The following FMNL2 variants were observed in gnomAD, a reference collection of about 807,000 sequenced individuals.
FMNL2 encodes the protein formin-like protein 2.
Under a neutral mutation model 130.2 loss-of-function variants are expected in FMNL2, and 51 were observed. The ratio of observed to expected loss-of-function variants is 0.39; its 90% CI spans 0.31 to 0.49. The LOEUF is 0.49. Among genes scored for constraint, FMNL2 ranks in the 20% least tolerant of loss-of-function variants. The pLI is 0.85. For synonymous variants in FMNL2, 465 were observed against 467.1 expected, an observed-to-expected ratio of 1.00 and a Z score of 0.06; for missense variants, 977 against 1,316.2, an observed-to-expected ratio of 0.74 and a Z score of 3.99.
chr2:152,382,915 A>G (rs1383424799), intron 1 of FMNL2, among the ~76,000 whole-genome samples: 1 of 152,226 alleles, frequency 6.6e-6, no homozygotes, highest in Non-Finnish European at 1.5e-5. Context: ...AATAGAGCTG[A>G]GAATTCCTAT....
At chr2:152,611,396 G>T (rs754061602) in intron 10 of FMNL2, 99 bp from the exon 11 acceptor site, 1 of 611,678 alleles carries the variant, frequency 1.6e-6, no homozygotes, top group Middle Eastern at 4.5e-4. Context: ...AAAGGAAATC[G>T]GTAAGTGAGC....
At chr2:152,364,824 A>T (rs1480450074) in intron 1 of FMNL2, among the ~76,000 whole-genome samples, 1 of 152,224 alleles carries the variant, frequency 6.6e-6, no homozygotes, top group African/African-American at 2.4e-5. Flanking sequence ...TCATGAGTGA[A>T]ATTTGTTAAT....
At chr2:152,564,288 C>T (rs1333860220) in intron 6 of FMNL2, among the ~76,000 whole-genome samples, 1 of 151,808 alleles carries the variant, frequency 6.6e-6, no homozygotes, top group Non-Finnish European at 1.5e-5. Flanking sequence ...TCTTTTTAAT[C>T]TCCCGATAAT....
chr2:152,506,355 C>T (rs905718214), intron 1 of FMNL2, among the ~76,000 whole-genome samples: 4 of 152,126 alleles, frequency 2.6e-5, no homozygotes, highest in Non-Finnish European at 5.9e-5. Context: ...ATGCTCAAGT[C>T]CCTGATAGAA....
intron 2 of FMNL2, among the ~76,000 whole-genome samples, chr2:152,535,336 T>G (rs1693937825): frequency 6.6e-6 from 1 of 152,218 alleles, no homozygotes; most frequent in Admixed American, 6.5e-5. Context: ...ATCTGTGCAC[T>G]GCCTGCCTTC....
intron 1 of FMNL2, among the ~76,000 whole-genome samples, chr2:152,421,756 A>C (rs1284241163): frequency 6.6e-6 from 1 of 152,132 alleles, no homozygotes; most frequent in Non-Finnish European, 1.5e-5. Flanking sequence ...ACTCAGAGAG[A>C]TATGACCAGG....
At position 152,430,728 on chromosome 2, in the gene FMNL2, C is replaced by T. The variant is rs150832553; in HGVS notation, c.118-91215C>T. 2.6e-3 allele frequency among the ~76,000 whole-genome samples: 396 copies of T among 152,130 alleles called. 1 individual carries two copies. Among genetic ancestry groups the T allele is most frequent in the Middle Eastern group, 0.01 (3 of 294 alleles). On this transcript the variant is annotated intron_variant, in intron 1 of 25. Coordinates refer to ENST00000288670, the MANE Select transcript of FMNL2 (RefSeq NM_052905.4). ...TCTCTACTGAAATACAAAAAATTAG[C>T]GGGGCATGGTGGCACGTGCCTGTAG...
intron 1 of FMNL2, among the ~76,000 whole-genome samples, chr2:152,359,920 C>T (rs1683063425): frequency 6.6e-6 from 1 of 152,186 alleles, no homozygotes; most frequent in Admixed American, 6.5e-5. Flanking sequence ...TGGCTGGCCA[C>T]TCTGACGTCA....
intron 1 of FMNL2, among the ~76,000 whole-genome samples, chr2:152,387,238 A>G (rs373457525): frequency 2.2e-4 from 34 of 152,320 alleles, no homozygotes; most frequent in African/African-American, 7.5e-4. Flanking sequence ...TTAACAGACC[A>G]CATTGTGGCT....
chr2:152,593,911 G>C (rs1217364628), intron 9 of FMNL2, among the ~76,000 whole-genome samples: 1 of 141,866 alleles, frequency 7.0e-6, no homozygotes, highest in African/African-American at 2.5e-5. Context: ...GTGAGAGAGA[G>C]AGAGAGAGAG....
chr2:152,400,261 G>A (rs1273766336), intron 1 of FMNL2, among the ~76,000 whole-genome samples: 4 of 152,114 alleles, frequency 2.6e-5, no homozygotes, highest in Admixed American at 6.5e-5. Context: ...GCGAAACTCC[G>A]TCTCTAATAA....
At chr2:152,387,130 A>G (rs1684830593) in intron 1 of FMNL2, among the ~76,000 whole-genome samples, 1 of 151,724 alleles carries the variant, frequency 6.6e-6, no homozygotes, top group Non-Finnish European at 1.5e-5. Context: ...TTTGTAGGCA[A>G]CCACAGTATA....
chr2:152,424,645 T>A (rs1398751181), intron 1 of FMNL2, among the ~76,000 whole-genome samples: 8 of 152,062 alleles, frequency 5.3e-5, no homozygotes. Context: ...CATCTCGGCC[T>A]CCCAAAGTGC....
chr2:152,551,864 A>G (rs577807312), intron 4 of FMNL2, among the ~76,000 whole-genome samples: 1 of 152,258 alleles, frequency 6.6e-6, no homozygotes, highest in South Asian at 2.1e-4. Context: ...AAAAAATAAA[A>G]TATTAGCCAG....
At chr2:152,538,303 A>T (rs1014267583) in intron 2 of FMNL2, among the ~76,000 whole-genome samples, 4 of 151,722 alleles carry the variant, frequency 2.6e-5, no homozygotes, top group Admixed American at 2.6e-4. Context: ...TTGTTTTTTG[A>T]GATGGAGACT....
chr2:152,457,045 T>C (rs114765273), intron 1 of FMNL2, among the ~76,000 whole-genome samples: 154 of 152,252 alleles, frequency 1.0e-3, no homozygotes, highest in Admixed American at 1.8e-3. Flanking sequence ...GTTATGATAA[T>C]GTGTAGCTTT....
At position 152,647,970 on chromosome 2, in the gene FMNL2, T is replaced by TGG; in HGVS notation, c.*66_*67insGG. Reference sequence around the variant, plus strand: ...TGAAACTGCCCACATGAACTTTATGTGCTACGATTTAACTGCAGCCTTGAA... The same window carrying TGG: ...TGAAACTGCCCACATGAACTTTATGTGGGCTACGATTTAACTGCAGCCTTGAA... On this transcript the variant is annotated 3_prime_UTR_variant, in exon 26 of 26. Coordinates refer to ENST00000288670, the MANE Select transcript of FMNL2 (RefSeq NM_052905.4). The TGG allele has an allele frequency of 7.6e-7, 1 of 1,319,586 alleles. No individual in the cohort carries two copies. Among genetic ancestry groups the TGG allele is most frequent in the Non-Finnish European group, 1.1e-6 (1 of 949,428 alleles). The allele number at this position is 1,319,586 out of a possible 1,614,324, so 81.7% of individuals were successfully genotyped here. A position where few individuals can be genotyped will look rare whatever the true frequency, so the allele number is the denominator to read the frequency against.
chr2:152,438,299 A>G (rs1381822961), intron 1 of FMNL2, among the ~76,000 whole-genome samples: 1 of 152,202 alleles, frequency 6.6e-6, no homozygotes, highest in Middle Eastern at 3.2e-3. Flanking sequence ...ATCAAAATCA[A>G]TTGGTCAGCT....
chr2:152,570,399 G>A (rs1215410425), intron 6 of FMNL2, among the ~76,000 whole-genome samples: 1 of 152,124 alleles, frequency 6.6e-6, no homozygotes. Flanking sequence ...GTTAGTTTCC[G>A]TACAAAATCA....
Sources: allele counts gnomAD v4.1 joint callset (sites outside exome capture counted in the v4.1 genomes callset), GRCh38; gene constraint gnomAD v4.1.1; transcripts MANE v1.5; gene names NCBI Gene and HGNC (gene_info 2026-07-23, HGNC 2026-07-21).